The following DENND3 variants were observed in gnomAD, a reference collection of about 807,000 sequenced individuals.
DENND3 encodes the protein DENN domain-containing protein 3.
A neutral mutation model predicts 135.1 loss-of-function variants in DENND3; 88 were observed. That is an observed-to-expected ratio of 0.65 (90% CI 0.55 to 0.78). The LOEUF is 0.78. Among genes scored for constraint, DENND3 ranks in the 30% least tolerant of loss-of-function variants. The probability of loss-of-function intolerance (pLI) is 0.00; values close to 1 mark genes in which losing one functional copy is unlikely to be tolerated. For missense variants in DENND3, 1,392 were observed against 1,688.4 expected (o/e 0.82, Z 3.08); for synonymous variants, 693 against 712.3 (o/e 0.97, Z 0.43).
chr8:141,169,452 C>T (rs575774236), intron 13 of DENND3, among the ~76,000 whole-genome samples: 26 of 152,370 alleles, frequency 1.7e-4, no homozygotes, highest in Non-Finnish European at 3.4e-4. Context: ...TCAGCATCTG[C>T]ACAGAACCAT....
At chr8:141,147,056 C>G (rs1269547231) in intron 5 of DENND3, among the ~76,000 whole-genome samples, 1 of 152,314 alleles carries the variant, frequency 6.6e-6, no homozygotes, top group South Asian at 2.1e-4. Flanking sequence ...ACTCTCGGCT[C>G]CTTCATCTCG....
At position 141,160,792 on chromosome 8, in the gene DENND3, G is replaced by GT; in HGVS notation, c.1352+6dup. On this transcript the variant is annotated splice_donor_region_variant and intron_variant, in intron 9 of 22. Coordinates refer to ENST00000519811, the MANE Select transcript of DENND3 (RefSeq NM_001352890.3). The stretch of plus-strand genomic sequence containing the variant: ...GCTGCTCGTGAGCATCTTCAGGTAC[G>GT]TGAGAGAACATTCCCAGTGTCCATG... The GT allele has an allele frequency of 6.2e-7, 1 of 1,604,954 alleles. No homozygotes were observed. Among genetic ancestry groups the GT allele is most frequent in the Non-Finnish European group, 8.5e-7 (1 of 1,173,202 alleles).
intron 9 of DENND3, among the ~76,000 whole-genome samples, chr8:141,162,702 G>A (rs1282364348): frequency 6.6e-6 from 1 of 152,138 alleles, no homozygotes; most frequent in East Asian, 1.9e-4. Flanking sequence ...TTGGGAGGCC[G>A]AGGTGGGTGG....
chr8:141,185,387 A>G (rs1183361805), intron 18 of DENND3, 109 bp downstream of exon 18: 2 of 1,429,638 alleles, frequency 1.4e-6, no homozygotes, highest in Non-Finnish European at 1.9e-6. Flanking sequence ...CCACAGCCTC[A>G]CTCGGTTTCT....
chr8:141,132,992 C>G (rs1008000251), intron 1 of DENND3, among the ~76,000 whole-genome samples: 1 of 152,224 alleles, frequency 6.6e-6, no homozygotes, highest in Non-Finnish European at 1.5e-5. Flanking sequence ...TGCTCCACCG[C>G]ATCCCCTCAA....
intron 7 of DENND3, 96 bp from the exon 8 acceptor site, chr8:141,155,753 C>T (rs543221442): frequency 1.4e-6 from 2 of 1,434,058 alleles, no homozygotes; most frequent in Admixed American, 2.3e-5. Flanking sequence ...ATGACACTGT[C>T]TTAGTGAACT....
intron 4 of DENND3, chr8:141,142,445 C>T: frequency 2.2e-6 from 1 of 455,644 alleles, no homozygotes; most frequent in South Asian, 1.6e-5. Context: ...AGGGACGAGC[C>T]CCATGGAGAG....
intron 1 of DENND3, among the ~76,000 whole-genome samples, chr8:141,133,705 G>T (rs896896286): frequency 1.3e-5 from 2 of 150,684 alleles, no homozygotes; most frequent in Non-Finnish European, 3.0e-5. Flanking sequence ...GTCTGCAGGT[G>T]GGGCATGGTG....
Position 141,128,795 on chromosome 8 carries a change from C to A in DENND3, c.88C>A (p.Arg30=). ...GCTGGGCGCCCCCCGGGACAGTCTC[C>A]GAAGTCTCGAGCAGGTGAGGGGCGG... ...ALLGAPRDSL[R]SLEQVAYKKG... The change falls in exon 1 of 23, where the codon CGA becomes AGA. Residue 30 remains arginine (R), a synonymous_variant. Coordinates refer to ENST00000519811, the MANE Select transcript of DENND3 (RefSeq NM_001352890.3). This position sits in a 1 kb window ranked among gnomAD's most constrained non-coding sequence, Gnocchi z 4.5. 6.9e-7 allele frequency: 1 copy of A among 1,447,036 alleles called. No homozygotes were observed. The highest frequency in any genetic ancestry group is 9.1e-7 in the Non-Finnish European group (1 of 1,097,604). The allele number at this position is 1,447,036 out of a possible 1,614,324, so 89.6% of individuals were successfully genotyped here.
chr8:141,143,276 T>A (rs1001279564), intron 4 of DENND3, among the ~76,000 whole-genome samples: 1 of 151,908 alleles, frequency 6.6e-6, no homozygotes, highest in Admixed American at 6.6e-5. Flanking sequence ...TTTTTTTAAA[T>A]TTTTTTTTAT....
intron 17 of DENND3, among the ~76,000 whole-genome samples, chr8:141,183,122 A>G (rs1823390311): frequency 3.3e-5 from 5 of 152,274 alleles, no homozygotes; most frequent in Admixed American, 2.6e-4. Flanking sequence ...GAAAGCAAGC[A>G]GACTTCTAGG....
Position 141,195,620 on chromosome 8 carries a change from G to C in DENND3, c.*1387G>C, listed in dbSNP as rs1023594163. 7.9e-5 allele frequency: 12 copies of C among 152,248 alleles called. No homozygotes were observed. The highest frequency in any genetic ancestry group is 1.6e-4 in the Non-Finnish European group (11 of 68,046). 9.4% of individuals were successfully genotyped at this position (152,248 alleles called of 1,614,324 possible). On this transcript the variant is annotated 3_prime_UTR_variant, in exon 23 of 23. Coordinates refer to ENST00000519811, the MANE Select transcript of DENND3 (RefSeq NM_001352890.3). ...TGGCCTCATCCTCCCCCAAGGCTGT[G>C]CTTGCAGCCCGGGCACCTTCCCACT...
At position 141,166,440 on chromosome 8, in the gene DENND3, C is replaced by T. The variant is rs139465999; in HGVS notation, c.1753+51C>T. The stretch of plus-strand genomic sequence containing the variant: ...CTGTGTGTCGGTCCCACCATTCCTG[C>T]ACCTGCAAGTCATTGAGCAAAACTG... On this transcript the variant is annotated intron_variant, in intron 12 of 22. Transcript: ENST00000519811. The surrounding 1 kb of genome is among the most constrained non-coding windows in gnomAD (Gnocchi z 4.3). 1.1e-4 allele frequency: 168 copies of T among 1,552,664 alleles called. No individual in the cohort carries two copies. The African/African-American group carries it at 1.8e-3, about 17-fold the overall frequency.
At position 141,165,188 on chromosome 8, in the gene DENND3, C is replaced by G. The variant is rs753175295; in HGVS notation, c.1452C>G (p.Val484=). 4 of 1,613,794 alleles carry G rather than the reference C, an allele frequency of 2.5e-6. No individual in the cohort carries two copies. The South Asian group carries it at 3.3e-5, about 13-fold the overall frequency. The change falls in exon 11 of 23, where the codon GTC becomes GTG. Residue 484 remains valine, a splice_region_variant and synonymous_variant. Transcript: ENST00000519811. ...APGDHQFYKQ[V]LDTYMFHSFL... ...ACCAGCCCCTCTCTCTTTTCCAGGTCTTAGACACCTACATGTTCCATTCTT... is the reference window on the plus strand; with the variant it reads ...ACCAGCCCCTCTCTCTTTTCCAGGTGTTAGACACCTACATGTTCCATTCTT...
At chr8:141,192,751 C>CGCCCTCGT in intron 22 of DENND3, 88 bp downstream of exon 22, 3 of 1,607,048 alleles carry the variant, frequency 1.9e-6, no homozygotes, top group Non-Finnish European at 2.5e-6. Context: ...GCCAGCCGCA[C>CGCCCTCGT]GCCCTCGTGC....
chr8:141,153,625 G>A (rs1481900974), intron 7 of DENND3, among the ~76,000 whole-genome samples: 2 of 152,202 alleles, frequency 1.3e-5, no homozygotes, highest in Non-Finnish European at 2.9e-5. Context: ...GTGCTTGTGT[G>A]TTCCTGCCAA....
chr8:141,167,303 G>A lies in DENND3; in HGVS notation c.1754-701G>A, dbSNP rs1680960210. Among the ~76,000 whole-genome samples, 2 of 152,140 alleles carry A rather than the reference G, an allele frequency of 1.3e-5. No homozygotes were observed. The highest frequency in any genetic ancestry group is 4.1e-4 in the South Asian group (2 of 4,826). ...ATCTGTCAGTCTGCCGCTGGCAGGT[G>A]CCCTGTGCCCACTCACCCTGGGAGC... On this transcript the variant is annotated intron_variant, in intron 12 of 22. Transcript: ENST00000519811. This position sits in a 1 kb window ranked among gnomAD's most constrained non-coding sequence, Gnocchi z 4.1.
chr8:141,185,374 A>G, intron 18 of DENND3, 96 bp downstream of exon 18: 2 of 1,508,616 alleles, frequency 1.3e-6, no homozygotes, highest in South Asian at 2.5e-5. Context: ...GATACAAGCT[A>G]TTCCACAGCC....
Position 141,168,273 on chromosome 8 carries a change from T to A in DENND3, c.2023T>A (p.Leu675Met), listed in dbSNP as rs776246084. The change falls in exon 13 of 23, where the codon TTG (leucine) becomes ATG (methionine). Residue 675 changes from leucine to methionine, a missense_variant. Leu to Met is a conservative substitution (Grantham distance 15). Transcript: ENST00000519811. The surrounding 1 kb of genome is among the most constrained non-coding windows in gnomAD (Gnocchi z 6.2). ...KTDIRIFPTD[L>M]VKRTVESMSA... ...AGACATACGGATCTTTCCCACTGAT[T>A]TGGTGAAGAGGACGGTGGAATCCAT... 1 of 1,614,046 alleles carries A rather than the reference T, an allele frequency of 6.2e-7. No individual in the cohort carries two copies. Among genetic ancestry groups the A allele is most frequent in the Non-Finnish European group, 8.5e-7 (1 of 1,180,012 alleles).
Sources: allele counts gnomAD v4.1 joint callset (sites outside exome capture counted in the v4.1 genomes callset), GRCh38; gene constraint gnomAD v4.1.1; non-coding constraint Gnocchi (gnomAD v3.1); transcripts MANE v1.5; gene names NCBI Gene and HGNC (gene_info 2026-07-23, HGNC 2026-07-21).